Variants in VPS13B observed in about 807,000 individuals in gnomAD.
The protein encoded by VPS13B is intermembrane lipid transfer protein VPS13B.
Under a neutral mutation model 426.4 loss-of-function variants are expected in VPS13B, and 285 were observed. That is an observed-to-expected ratio of 0.67 (90% confidence interval 0.61 to 0.74). The LOEUF is 0.74. VPS13B is among the 30% of genes least tolerant of loss of function. The probability of loss-of-function intolerance (pLI) is 0.00; values close to 1 mark genes in which losing one functional copy is unlikely to be tolerated. For synonymous variants in VPS13B, 1,676 were observed against 1,676.4 expected, an observed-to-expected ratio of 1.00 and a Z score of 0.01; for missense variants, 4,537 against 4,782.6, an observed-to-expected ratio of 0.95 and a Z score of 1.51.
intron 2 of VPS13B, among the ~76,000 whole-genome samples, chr8:99,015,112 T>C (rs1411932046): frequency 2.0e-5 from 3 of 152,088 alleles, no homozygotes; most frequent in African/African-American, 7.2e-5. Context: ...TACTCCTGGC[T>C]GCTTCTTTTT....
chr8:99,824,736 C>A (rs948899717), intron 51 of VPS13B, among the ~76,000 whole-genome samples: 3 of 152,024 alleles, frequency 2.0e-5, no homozygotes, highest in Non-Finnish European at 2.9e-5. Context: ...CTTTCCTCCC[C>A]CTGCGACAGG....
intron 24 of VPS13B, among the ~76,000 whole-genome samples, chr8:99,476,106 G>A (rs1819674708): frequency 6.6e-6 from 1 of 152,166 alleles, no homozygotes; most frequent in South Asian, 2.1e-4. Flanking sequence ...TTTTATTAGT[G>A]TAGACTGACT....
At chr8:99,645,117 A>G (rs1012234485) in intron 34 of VPS13B, among the ~76,000 whole-genome samples, 1 of 152,180 alleles carries the variant, frequency 6.6e-6, no homozygotes, top group African/African-American at 2.4e-5. Flanking sequence ...AGGTTCTCTC[A>G]GTCAGCCTCT....
Position 99,642,048 on chromosome 8 carries a change from A to G in VPS13B, c.5458A>G (p.Arg1820Gly). The G allele has an allele frequency of 6.2e-7, 1 of 1,614,152 alleles. No homozygotes were observed. Among genetic ancestry groups the G allele is most frequent in the Non-Finnish European group, 8.5e-7 (1 of 1,180,012 alleles). ...CTTTGACATATTTATTACTGCAAGT[A>G]GAATCTCACTAATGACCTATTCCTG... ...IPFDIFITAS[R>G]ISLMTYSCMA... Residue 1820 changes from arginine to glycine, a missense_variant, in exon 34 of 62, where the codon AGA (arginine) becomes GGA (glycine). Arg to Gly is a moderately radical substitution (Grantham distance 125). This residue lies in a region of VPS13B where 4,311 missense variants were observed against 4,474.3 expected (regional missense o/e 0.96). Coordinates refer to ENST00000357162, the MANE Select transcript of VPS13B (RefSeq NM_152564.5).
intron 19 of VPS13B, among the ~76,000 whole-genome samples, chr8:99,331,414 C>G (rs923333496): frequency 3.3e-5 from 5 of 151,730 alleles, no homozygotes; most frequent in African/African-American, 1.2e-4. Flanking sequence ...CTTCTAGAAT[C>G]TTGCAGTTTA....
intron 3 of VPS13B, among the ~76,000 whole-genome samples, chr8:99,072,179 G>A (rs545508078): frequency 1.3e-5 from 2 of 152,224 alleles, no homozygotes; most frequent in East Asian, 3.9e-4. Context: ...CTGGGAATAC[G>A]CTGGGTCACA....
chr8:99,860,519 C>T (rs1816781701), intron 57 of VPS13B, among the ~76,000 whole-genome samples: 1 of 152,180 alleles, frequency 6.6e-6, no homozygotes. Context: ...TATTTTCAGC[C>T]TACTGACTCA....
intron 56 of VPS13B, among the ~76,000 whole-genome samples, chr8:99,856,708 G>A (rs1374998169): frequency 6.6e-6 from 1 of 152,118 alleles, no homozygotes; most frequent in Non-Finnish European, 1.5e-5. Flanking sequence ...AGGTGTGGGG[G>A]CATGCACCTG....
At chr8:99,478,384 C>T (rs888528621) in intron 24 of VPS13B, among the ~76,000 whole-genome samples, 3 of 148,902 alleles carry the variant, frequency 2.0e-5, no homozygotes, top group African/African-American at 7.4e-5. Context: ...CACCACTCAC[C>T]CATTTTTTAT....
At chr8:99,265,932 T>G (rs1456898385) in intron 17 of VPS13B, among the ~76,000 whole-genome samples, 1 of 152,242 alleles carries the variant, frequency 6.6e-6, no homozygotes, top group Non-Finnish European at 1.5e-5. Context: ...CTTGTCTTTT[T>G]ATTTTCGTTT....
intron 44 of VPS13B, 75 bp from the exon 45 acceptor site, chr8:99,817,465 C>G: frequency 2.0e-6 from 3 of 1,536,358 alleles, no homozygotes; most frequent in Non-Finnish European, 1.8e-6. Flanking sequence ...ATAGTTTACT[C>G]TGTTTGAATG....
chr8:99,110,006 TATATA>T (rs1341433455), intron 5 of VPS13B, among the ~76,000 whole-genome samples: 1 of 152,144 alleles, frequency 6.6e-6, no homozygotes, highest in Non-Finnish European at 1.5e-5. Flanking sequence ...TTTGTGTACA[TATATA>T]ATATTAGTAA....
intron 36 of VPS13B, among the ~76,000 whole-genome samples, chr8:99,709,018 C>T (rs1832605849): frequency 6.6e-6 from 1 of 152,040 alleles, no homozygotes; most frequent in South Asian, 2.1e-4. Context: ...TCTGCTTCAA[C>T]ATAATTGGTT....
chr8:99,538,395 G>C (rs976908491), intron 30 of VPS13B, among the ~76,000 whole-genome samples: 1 of 151,778 alleles, frequency 6.6e-6, no homozygotes, highest in Non-Finnish European at 1.5e-5. Context: ...CTCTAAATTT[G>C]CTTTTGGGTT....
intron 35 of VPS13B, among the ~76,000 whole-genome samples, chr8:99,684,740 T>C (rs1831309535): frequency 6.6e-6 from 1 of 152,210 alleles, no homozygotes; most frequent in Non-Finnish European, 1.5e-5. Context: ...CTGAAATAAT[T>C]TTTAAAAAGA....
chr8:99,130,598 G>T (rs1441592766), intron 8 of VPS13B, among the ~76,000 whole-genome samples: 2 of 152,000 alleles, frequency 1.3e-5, no homozygotes, highest in African/African-American at 4.8e-5. Context: ...CACCGTGTTA[G>T]CCAGGATGGT....
chr8:99,786,488 GA>G (rs1563916977), intron 43 of VPS13B, among the ~76,000 whole-genome samples: 1 of 152,122 alleles, frequency 6.6e-6, no homozygotes, highest in Non-Finnish European at 1.5e-5. Flanking sequence ...AGTTTGAAAA[GA>G]AGGGCTGAGA....
intron 22 of VPS13B, among the ~76,000 whole-genome samples, chr8:99,436,725 A>T (rs998586205): frequency 6.6e-6 from 1 of 151,954 alleles, no homozygotes; most frequent in African/African-American, 2.4e-5. Flanking sequence ...TGAAAATCTG[A>T]GTTTTATTTA....
chr8:99,702,264 A>G (rs1435944329), intron 36 of VPS13B, among the ~76,000 whole-genome samples: 1 of 152,130 alleles, frequency 6.6e-6, no homozygotes, highest in African/African-American at 2.4e-5. Flanking sequence ...TTTGAGCTCA[A>G]TGGAGTTGAT....
Sources: allele counts gnomAD v4.1 joint callset (sites outside exome capture counted in the v4.1 genomes callset), GRCh38; gene constraint gnomAD v4.1.1; regional missense constraint gnomAD v4.1.1; transcripts MANE v1.5; gene names NCBI Gene and HGNC (gene_info 2026-07-23, HGNC 2026-07-21).